BRD10: variants seen among roughly 807,000 people sequenced by gnomAD.
BRD10 encodes bromodomain containing 10.
chr9:5,908,572 A>G, the BRD10 span: 1 of 1,327,178 alleles, frequency 7.5e-7, no homozygotes, highest in Non-Finnish European at 1.1e-6. Flanking sequence ...AACTATTTTA[A>G]CTTAATCCCT....
chr9:5,941,584 A>C, the BRD10 span, among the ~76,000 whole-genome samples: 1 of 152,154 alleles, frequency 6.6e-6, no homozygotes, highest in Non-Finnish European at 1.5e-5. Context: ...CTGCGTATAA[A>C]TTTCAGAAAA....
At chr9:5,957,270 CAT>C in the BRD10 span, among the ~76,000 whole-genome samples, 3 of 152,104 alleles carry the variant, frequency 2.0e-5, no homozygotes, top group Non-Finnish European at 2.9e-5. Context: ...TTAACTCACT[CAT>C]GTGTCACACA....
the BRD10 span, among the ~76,000 whole-genome samples, chr9:6,004,403 A>G: frequency 6.6e-6 from 1 of 152,190 alleles, no homozygotes; most frequent in Admixed American, 6.5e-5. Flanking sequence ...TAACACCCTC[A>G]TTATACAGAT....
At chr9:5,963,091 T>C in the BRD10 span, among the ~76,000 whole-genome samples, 1 of 125,576 alleles carries the variant, frequency 8.0e-6, no homozygotes, top group Non-Finnish European at 1.7e-5. Context: ...ATAAAGGGTA[T>C]CCAATTAGGA....
chr9:5,911,410 T>TG, the BRD10 span, among the ~76,000 whole-genome samples: 5 of 151,556 alleles, frequency 3.3e-5, no homozygotes, highest in Non-Finnish European at 5.9e-5. Context: ...TGTGTGTTTT[T>TG]TTTTTTTTTT....
chr9:5,921,927 T>C, the BRD10 span: 20 of 1,613,840 alleles, frequency 1.2e-5, no homozygotes, highest in Non-Finnish European at 1.7e-5. Flanking sequence ...CTAGCTGGAA[T>C]GGAAACAGAA....
At chr9:5,922,789 G>A in the BRD10 span, 8 of 1,613,998 alleles carry the variant, frequency 5.0e-6, no homozygotes, top group East Asian at 2.2e-5. Context: ...ACTGGCCACA[G>A]GGCATTTTGT....
chr9:6,006,723 C>T, the BRD10 span, among the ~76,000 whole-genome samples: 1 of 152,202 alleles, frequency 6.6e-6, no homozygotes, highest in Non-Finnish European at 1.5e-5. Context: ...TCTTCGATGA[C>T]CGACATGGGT....
At chr9:5,964,241 C>T in the BRD10 span, among the ~76,000 whole-genome samples, 223 of 144,060 alleles carry the variant, frequency 1.5e-3, 3 homozygotes, top group Non-Finnish European at 2.3e-3. Flanking sequence ...AAAAAGTGGG[C>T]GAAGGACATG....
At chr9:5,954,165 G>A in the BRD10 span, 13 of 804,710 alleles carry the variant, frequency 1.6e-5, no homozygotes, top group East Asian at 5.4e-5. Context: ...AACAAATTAC[G>A]CAGATCCTTG....
At chr9:5,920,577 G>C in the BRD10 span, 1 of 1,613,974 alleles carries the variant, frequency 6.2e-7, no homozygotes, top group African/African-American at 1.3e-5. Flanking sequence ...AATTCAGTTT[G>C]AGGTTTATTT....
chr9:5,973,653 C>G, the BRD10 span, among the ~76,000 whole-genome samples: 3 of 152,014 alleles, frequency 2.0e-5, no homozygotes, highest in East Asian at 3.9e-4. Flanking sequence ...TTTTGGGAGG[C>G]CGAGGTGGGA....
At chr9:5,895,129 T>C in the BRD10 span, among the ~76,000 whole-genome samples, 2 of 152,220 alleles carry the variant, frequency 1.3e-5, no homozygotes, top group African/African-American at 2.4e-5. Flanking sequence ...TTTTGACATT[T>C]TGCTGTCTGT....
the BRD10 span, chr9:5,968,684 T>G: frequency 6.2e-7 from 1 of 1,613,904 alleles, no homozygotes; most frequent in Non-Finnish European, 8.5e-7. Flanking sequence ...TGTACTAACA[T>G]AGTCACACTT....
chr9:5,935,761 C>G, the BRD10 span, among the ~76,000 whole-genome samples: 4 of 152,148 alleles, frequency 2.6e-5, no homozygotes, highest in Non-Finnish European at 5.9e-5. Flanking sequence ...GGGACAGTAT[C>G]CTACTTACTT....
the BRD10 span, chr9:5,920,744 G>C: frequency 6.2e-7 from 1 of 1,613,848 alleles, no homozygotes; most frequent in African/African-American, 1.3e-5. Flanking sequence ...TGTAGTCGCA[G>C]GTGTAGGTAA....
the BRD10 span, among the ~76,000 whole-genome samples, chr9:5,982,067 ATTATTT>A: frequency 6.6e-6 from 1 of 151,874 alleles, no homozygotes. Flanking sequence ...ATATATATAT[ATTATTT>A]TTAAGTTGCC....
At chr9:5,920,675 G>A in the BRD10 span, 2 of 1,613,990 alleles carry the variant, frequency 1.2e-6, no homozygotes, top group Non-Finnish European at 8.5e-7. Flanking sequence ...AATAGATACA[G>A]AACGTGTGGC....
At chr9:5,930,834 T>A in the BRD10 span, among the ~76,000 whole-genome samples, 1 of 152,194 alleles carries the variant, frequency 6.6e-6, no homozygotes, top group Non-Finnish European at 1.5e-5. Flanking sequence ...AAGTGCTTAT[T>A]TTAAGCCATG....
Sources: gnomAD v4.1 joint callset for allele counts (sites outside exome capture counted in the v4.1 genomes callset) on GRCh38, gnomAD v4.1.1 for gene constraint, MANE v1.5 for transcripts, NCBI Gene and HGNC (gene_info 2026-07-23, HGNC 2026-07-21) for gene names.